Variants in ZFPM2 observed in about 807,000 individuals in gnomAD.
ZFPM2 encodes zinc finger protein, FOG family member 2, also known as zinc finger protein ZFPM2.
A neutral mutation model predicts 98.6 loss-of-function variants in ZFPM2; 20 were observed. That is an observed-to-expected ratio of 0.20 (90% CI 0.14 to 0.29). The LOEUF (loss-of-function observed/expected upper bound fraction) is 0.29. ZFPM2 is among the 10% of genes least tolerant of loss of function. The pLI, the probability that ZFPM2 is intolerant of heterozygous loss-of-function variation, is 1.00. For missense variants in ZFPM2, 1,310 were observed against 1,388.6 expected (o/e 0.94, Z 0.90); for synonymous variants, 518 against 502.7 (o/e 1.03, Z -0.41).
In ZFPM2 at chr8:105,615,174, G is replaced by GAA. The variant is rs5893751; in HGVS notation, c.421-19063_421-19062dup. On this transcript the variant is annotated intron_variant, in intron 4 of 7. Coordinates refer to ENST00000407775, the MANE Select transcript of ZFPM2 (RefSeq NM_012082.4). ...AGTAACAAGTCTCATTTAATAACAT[G>GAA]AAAAAAAAAACACTCTTATGGTCTT... Among the ~76,000 whole-genome samples the GAA allele has an allele frequency of 4.6e-4, 67 of 147,196 alleles. No homozygotes were observed. The South Asian group carries it at 6.6e-3, about 15-fold the overall frequency.
At chr8:105,638,826 C>T (rs1816897094) in intron 5 of ZFPM2, among the ~76,000 whole-genome samples, 1 of 152,032 alleles carries the variant, frequency 6.6e-6, no homozygotes, top group Admixed American at 6.6e-5. Context: ...TGTATTATAT[C>T]ACTTAGTGCT....
chr8:105,424,008 G>A (rs1049843097), intron 2 of ZFPM2, among the ~76,000 whole-genome samples: 1 of 152,176 alleles, frequency 6.6e-6, no homozygotes, highest in African/African-American at 2.4e-5. Context: ...TAACTCAGGT[G>A]AGGGGGGTGA....
At chr8:105,660,240 G>A (rs1172162520) in intron 5 of ZFPM2, among the ~76,000 whole-genome samples, 4 of 151,986 alleles carry the variant, frequency 2.6e-5, no homozygotes, top group Non-Finnish European at 5.9e-5. Flanking sequence ...TCATTGTTTG[G>A]TTCCTAACAA....
chr8:105,740,628 C>T (rs1812192606), intron 5 of ZFPM2, among the ~76,000 whole-genome samples: 10 of 148,668 alleles, frequency 6.7e-5, no homozygotes, highest in Admixed American at 6.7e-4. Context: ...TCTTACAGAC[C>T]ATAAGAAATA....
chr8:105,763,056 C>CTTTTTTTTT (rs11453125), intron 5 of ZFPM2, among the ~76,000 whole-genome samples: 7 of 141,976 alleles, frequency 4.9e-5, no homozygotes, highest in Admixed American at 1.4e-4. Flanking sequence ...GACTTTATTT[C>CTTTTTTTTT]TTTCTTTTTT....
intron 5 of ZFPM2, among the ~76,000 whole-genome samples, chr8:105,702,863 T>C (rs1244065557): frequency 6.6e-6 from 1 of 152,210 alleles, no homozygotes; most frequent in Non-Finnish European, 1.5e-5. Flanking sequence ...CTCTCTGACA[T>C]TGTGGAGCCA....
At chr8:105,359,547 T>A (rs2129752609) in intron 1 of ZFPM2, among the ~76,000 whole-genome samples, 1 of 152,044 alleles carries the variant, frequency 6.6e-6, no homozygotes, top group East Asian at 2.0e-4. Flanking sequence ...GCTAATTTTT[T>A]GTATTTTTAG....
chr8:105,656,350 T>C (rs557762738), intron 5 of ZFPM2, among the ~76,000 whole-genome samples: 3 of 152,330 alleles, frequency 2.0e-5, no homozygotes, highest in African/African-American at 7.2e-5. Context: ...TACCAGTACA[T>C]TTCTGATCAT....
chr8:105,695,816 A>G (rs6986450), intron 5 of ZFPM2, among the ~76,000 whole-genome samples: 19,394 of 152,022 alleles, frequency 0.13, 1,734 homozygotes, highest in East Asian at 0.49. Context: ...GACTTAGTTA[A>G]TTTTTCATTT....
chr8:105,417,364 A>C (rs1360333238), intron 1 of ZFPM2, among the ~76,000 whole-genome samples: 1 of 152,130 alleles, frequency 6.6e-6, no homozygotes, highest in Non-Finnish European at 1.5e-5. Context: ...CAGTACATCC[A>C]TGTAACACAA....
intron 5 of ZFPM2, among the ~76,000 whole-genome samples, chr8:105,724,156 C>T (rs1251122542): frequency 6.6e-6 from 1 of 151,824 alleles, no homozygotes; most frequent in Non-Finnish European, 1.5e-5. Context: ...CAATCCTGCA[C>T]TCACATAAAA....
At chr8:105,680,946 A>G (rs2130920802) in intron 5 of ZFPM2, among the ~76,000 whole-genome samples, 1 of 152,296 alleles carries the variant, frequency 6.6e-6, no homozygotes, top group South Asian at 2.1e-4. Context: ...TAAAGTAATT[A>G]CCACAAATAC....
rs1332301998 is a variant in ZFPM2 at position 105,802,829 on chromosome 8, G to A, written c.2747G>A (p.Cys916Tyr). ...DVSYERSIIK[C>Y]EKNGNLKQPS... ...AGCTACGAAAGAAGCATAATAAAAT[G>A]TGAGAAAAATGGGAATTTGAAGCAG... The change falls in exon 8 of 8, where the codon TGT becomes TAT. Residue 916 changes from cysteine to tyrosine, a missense_variant. Transcript: ENST00000407775. The A allele has an allele frequency of 6.2e-7, 1 of 1,613,684 alleles. No homozygotes were observed. The highest frequency in any genetic ancestry group is 1.1e-5 in the South Asian group (1 of 91,028).
At chr8:105,360,658 G>A (rs1237065879) in intron 1 of ZFPM2, among the ~76,000 whole-genome samples, 3 of 138,226 alleles carry the variant, frequency 2.2e-5, no homozygotes, top group Non-Finnish European at 4.5e-5. Flanking sequence ...AGAGTGTGAT[G>A]TTCCCCTTCC....
chr8:105,787,621 AG>A (rs1782476080), intron 5 of ZFPM2: 1 of 152,240 alleles, frequency 6.6e-6, no homozygotes, highest in African/African-American at 2.4e-5. Context: ...AATGAAGTGC[AG>A]TTGAAAAGAC....
chr8:105,704,817 A>G (rs1185512476), intron 5 of ZFPM2, among the ~76,000 whole-genome samples: 2 of 152,190 alleles, frequency 1.3e-5, no homozygotes, highest in Non-Finnish European at 2.9e-5. Context: ...TATGAATCCC[A>G]GTTCATTTTC....
intron 1 of ZFPM2, among the ~76,000 whole-genome samples, chr8:105,403,926 G>A (rs1454172159): frequency 6.6e-6 from 1 of 151,582 alleles, no homozygotes; most frequent in Non-Finnish European, 1.5e-5. Flanking sequence ...CATTGCAAAC[G>A]GAACAAAATT....
intron 4 of ZFPM2, among the ~76,000 whole-genome samples, chr8:105,631,842 A>G (rs934642837): frequency 1.6e-4 from 24 of 152,184 alleles, no homozygotes; most frequent in Non-Finnish European, 5.9e-5. Flanking sequence ...AGTGATCACT[A>G]TCTATTTTTT....
intron 1 of ZFPM2, among the ~76,000 whole-genome samples, chr8:105,381,726 G>C (rs1477187429): frequency 1.3e-5 from 2 of 152,006 alleles, no homozygotes; most frequent in Non-Finnish European, 2.9e-5. Context: ...ATATATATAT[G>C]AATATTTTCC....
Sources: gnomAD v4.1 joint callset for allele counts (sites outside exome capture counted in the v4.1 genomes callset) on GRCh38, gnomAD v4.1.1 for gene constraint, MANE v1.5 for transcripts, NCBI Gene and HGNC (gene_info 2026-07-23, HGNC 2026-07-21) for gene names.